ATG7: variants seen among roughly 807,000 people sequenced by gnomAD.
The protein encoded by ATG7 is autophagy related 7, also known as ubiquitin-like modifier-activating enzyme ATG7.
ATG7 carries 70 observed loss-of-function variants against 82.4 expected under a neutral mutation model. The observed-to-expected ratio is 0.85, with a 90% CI of 0.70 to 1.04. ATG7 has a LOEUF of 1.04. Among genes scored for constraint, ATG7 ranks in the 50% least tolerant of loss-of-function variants. ATG7 has a pLI of 0.00. For missense variants in ATG7, 792 were observed against 864.3 expected (o/e 0.92, Z 1.05); for synonymous variants, 287 against 313.0 (o/e 0.92, Z 0.88).
intron 11 of ATG7, among the ~76,000 whole-genome samples, chr3:11,334,322 G>A (rs1306460501): frequency 6.6e-6 from 1 of 151,902 alleles, no homozygotes; most frequent in African/African-American, 2.4e-5. Flanking sequence ...TCGACTCACT[G>A]CAACCTCCGC....
chr3:11,301,990 A>T (rs1269374772), intron 5 of ATG7, among the ~76,000 whole-genome samples: 2 of 152,232 alleles, frequency 1.3e-5, no homozygotes, highest in Non-Finnish European at 2.9e-5. Flanking sequence ...GTTGAAGGAG[A>T]TAAGAAAATC....
chr3:11,373,144 T>C (rs2077152903), intron 18 of ATG7, among the ~76,000 whole-genome samples: 1 of 150,760 alleles, frequency 6.6e-6, no homozygotes, highest in Non-Finnish European at 1.5e-5. Context: ...GAGTTGAGAG[T>C]AAGCTGTGTG....
chr3:11,502,980 G>A (rs75475604), intron 20 of ATG7, among the ~76,000 whole-genome samples: 4,074 of 152,216 alleles, frequency 0.027, 173 homozygotes, highest in African/African-American at 0.091. Flanking sequence ...TGAAAGTAGC[G>A]TGTATACCAC....
At chr3:11,369,206 G>T (rs1294673964) in intron 18 of ATG7, among the ~76,000 whole-genome samples, 10 of 150,962 alleles carry the variant, frequency 6.6e-5, no homozygotes, top group Admixed American at 6.6e-4. Context: ...TGCTCCTAGG[G>T]ACATGGACAG....
intron 14 of ATG7, among the ~76,000 whole-genome samples, chr3:11,351,428 C>A (rs2075535076): frequency 1.3e-5 from 2 of 152,042 alleles, no homozygotes. Flanking sequence ...GTGCAAATGC[C>A]TGAGGTAGGA....
intron 20 of ATG7, among the ~76,000 whole-genome samples, chr3:11,433,833 T>G (rs1026545090): frequency 1.3e-5 from 2 of 152,202 alleles, no homozygotes; most frequent in Non-Finnish European, 2.9e-5. Flanking sequence ...TCTGCAGATT[T>G]GGGGATTAAT....
chr3:11,441,975 T>G lies in ATG7; in HGVS notation c.2079+15049T>G, dbSNP rs1446038381. Among the ~76,000 whole-genome samples the G allele has an allele frequency of 3.3e-5, 5 of 152,124 alleles. 1 individual carries two copies. The highest frequency in any genetic ancestry group is 3.3e-4 in the Admixed American group (5 of 15,274). On this transcript the variant is annotated intron_variant, in intron 20 of 20. Transcript: ENST00000693202. ...GCCACCGCGCCTGGCCCAATTTTTG[T>G]ATTTTTTTATAAAGATGAGGTTTCA...
intron 19 of ATG7, among the ~76,000 whole-genome samples, chr3:11,417,805 A>ATTATTTTTTTTTTTTT (rs1559578331): frequency 1.9e-5 from 1 of 52,742 alleles, no homozygotes; most frequent in Admixed American, 1.8e-4. Flanking sequence ...TTATTATTTT[A>ATTATTTTTTTTTTTTT]TTTTATTTTA....
At chr3:11,575,892 T>C in the ATG7 span, among the ~76,000 whole-genome samples, 4 of 152,232 alleles carry the variant, frequency 2.6e-5, no homozygotes, top group Non-Finnish European at 5.9e-5. Context: ...CCAGACCCGT[T>C]GCCTCTAGAG....
intron 20 of ATG7, among the ~76,000 whole-genome samples, chr3:11,445,113 A>G (rs555226412): frequency 1.3e-5 from 2 of 152,370 alleles, no homozygotes; most frequent in African/African-American, 4.8e-5. Context: ...GGAAGTGTAA[A>G]TTAGTTAAAT....
intron 20 of ATG7, among the ~76,000 whole-genome samples, chr3:11,443,153 GCCA>G (rs962576341): frequency 6.6e-6 from 1 of 152,084 alleles, no homozygotes; most frequent in African/African-American, 2.4e-5. Flanking sequence ...CTCCCTCTGG[GCCA>G]CCATACACAC....
At chr3:11,371,028 A>C (rs896752749) in intron 18 of ATG7, among the ~76,000 whole-genome samples, 2 of 150,838 alleles carry the variant, frequency 1.3e-5, no homozygotes, top group East Asian at 3.9e-4. Flanking sequence ...CTATGTTCCT[A>C]TTTGGAGATC....
chr3:11,372,707 T>C (rs77386855), intron 18 of ATG7, among the ~76,000 whole-genome samples: 1 of 150,986 alleles, frequency 6.6e-6, no homozygotes, highest in African/African-American at 2.4e-5. Flanking sequence ...GGAAAAAAAA[T>C]GTAATGGAAA....
intron 20 of ATG7, among the ~76,000 whole-genome samples, chr3:11,501,460 T>C (rs1211627996): frequency 6.6e-6 from 1 of 152,172 alleles, no homozygotes; most frequent in Non-Finnish European, 1.5e-5. Flanking sequence ...AAATCTACAG[T>C]GTTACATTTA....
chr3:11,468,608 T>C (rs1326065035), intron 20 of ATG7, among the ~76,000 whole-genome samples: 4 of 152,286 alleles, frequency 2.6e-5, no homozygotes, highest in Non-Finnish European at 4.4e-5. Context: ...TGCTATGAAC[T>C]GTGTCATGGA....
At chr3:11,419,998 T>C (rs1342933398) in intron 19 of ATG7, among the ~76,000 whole-genome samples, 1 of 152,254 alleles carries the variant, frequency 6.6e-6, no homozygotes, top group African/African-American at 2.4e-5. Context: ...CTCAGGACTA[T>C]GCATAATGCA....
At chr3:11,563,163 T>A in the ATG7 span, among the ~76,000 whole-genome samples, 1 of 150,342 alleles carries the variant, frequency 6.7e-6, no homozygotes, top group African/African-American at 2.4e-5. Context: ...AGATAGCTTG[T>A]AAGGCTCACA....
At chr3:11,386,114 T>A (rs1209570441) in intron 19 of ATG7, among the ~76,000 whole-genome samples, 1 of 152,196 alleles carries the variant, frequency 6.6e-6, no homozygotes, top group Non-Finnish European at 1.5e-5. Flanking sequence ...TGGCTCTGCA[T>A]CCCTTGCTGG....
chr3:11,334,236 T>A (rs113317193), intron 11 of ATG7, among the ~76,000 whole-genome samples: 3,105 of 152,036 alleles, frequency 0.02, 106 homozygotes, highest in East Asian at 0.065. Flanking sequence ...TCAGAGCACT[T>A]TCACAACATT....
Sources: allele counts gnomAD v4.1 joint callset (sites outside exome capture counted in the v4.1 genomes callset), GRCh38; gene constraint gnomAD v4.1.1; transcripts MANE v1.5; gene names NCBI Gene and HGNC (gene_info 2026-07-23, HGNC 2026-07-21).